Variants in ANKRD24 observed in about 807,000 individuals in gnomAD.
The protein encoded by ANKRD24 is ankyrin repeat domain 24.
Under a neutral mutation model 127.8 loss-of-function variants are expected in ANKRD24, and 109 were observed. The observed-to-expected ratio is 0.85, with a 90% CI of 0.73 to 1.00. ANKRD24 has a LOEUF of 1.00. ANKRD24 is among the 50% of genes least tolerant of loss of function. The pLI, the probability that ANKRD24 is intolerant of heterozygous loss-of-function variation, is 0.00. For synonymous variants in ANKRD24, 743 were observed against 671.1 expected (o/e 1.11, Z -1.66); for missense variants, 1,648 against 1,570.2 (o/e 1.05, Z -0.84).
intron 7 of ANKRD24, among the ~76,000 whole-genome samples, chr19:4,204,715 G>C (rs531229619): frequency 9.8e-5 from 15 of 152,320 alleles, no homozygotes; most frequent in Admixed American, 7.8e-4. Context: ...CGGAAACTCA[G>C]AATAAAATAG....
Position 4,198,415 on chromosome 19 carries a change from C to T in ANKRD24, c.37-1268C>T, listed in dbSNP as rs1968889029. 2 of 492,414 alleles carry T rather than the reference C, an allele frequency of 4.1e-6. No individual in the cohort carries two copies. The highest frequency in any genetic ancestry group is 7.2e-6 in the Non-Finnish European group (2 of 277,034). 30.5% of individuals were successfully genotyped at this position (492,414 alleles called of 1,614,324 possible). On this transcript the variant is annotated intron_variant, in intron 2 of 21. Coordinates refer to ENST00000318934, the MANE Select transcript of ANKRD24 (RefSeq NM_001393985.1). The surrounding 1 kb of genome is among the most constrained non-coding windows in gnomAD (Gnocchi z 6.1). ...CCCAGCCCCGCCCTCCGGCCGCTCC[C>T]CGCGGTCCCTCCAGACCCTCTGGCC...
rs376663974 is a variant in ANKRD24, at chr19:4,215,929, C to A, written c.1198-49C>A. 27 of 1,476,234 alleles carry A rather than the reference C, an allele frequency of 1.8e-5. No homozygotes were observed. In the South Asian group the frequency reaches 2.7e-4, roughly 15 times the overall value. The allele number at this position is 1,476,234 out of a possible 1,614,324, so 91.4% of individuals were successfully genotyped here. ...CCACTGGAGTCTTGGTGGGGACACA[C>A]GGGGGCTGAGAGCAGAACCCCGAGC... On this transcript the variant is annotated intron_variant, in intron 15 of 21. Transcript: ENST00000318934.
chr19:4,202,342 T>C (rs1451407982), intron 6 of ANKRD24, among the ~76,000 whole-genome samples: 1 of 151,920 alleles, frequency 6.6e-6, no homozygotes, highest in Non-Finnish European at 1.5e-5. Flanking sequence ...CTGAGGTCGG[T>C]GAAATCGCCT....
chr19:4,198,500 C>A lies in ANKRD24; in HGVS notation c.37-1183C>A. The A allele has an allele frequency of 1.6e-6, 1 of 622,784 alleles. No homozygotes were observed. Among genetic ancestry groups the A allele is most frequent in the South Asian group, 1.7e-5 (1 of 59,348 alleles). The allele number at this position is 622,784 out of a possible 1,614,324, so 38.6% of individuals were successfully genotyped here. ...GCCCCGCGCCCCGGACGCCATGAAG[C>A]AGCTGTGTCTGTGCGCAGCCGCCTC... On this transcript the variant is annotated intron_variant, in intron 2 of 21. Transcript: ENST00000318934. This position sits in a 1 kb window ranked among gnomAD's most constrained non-coding sequence, Gnocchi z 6.1.
In ANKRD24 at chr19:4,212,705, G is replaced by T. The variant is rs1242101532; in HGVS notation, c.1197+7G>T. 6.5e-7 allele frequency: 1 copy of T among 1,550,204 alleles called. No homozygotes were observed. On this transcript the variant is annotated splice_region_variant and intron_variant, in intron 15 of 21. Transcript: ENST00000318934. ...CCGGCTGTCCCTGCTGGAGGTAGGA[G>T]CAGTGATGAGTCAGGGCTGGGCTGG...
chr19:4,210,090 C>A lies in ANKRD24; in HGVS notation c.903C>A (p.Ala301=). Residue 301 remains alanine (A), a synonymous_variant, in exon 12 of 22, where the codon GCC becomes GCA. Transcript: ENST00000318934. The part of the protein sequence containing the change: ...NSMSSHGKQG[A]PKKRKAPPPP... ...TGTCCAGCCATGGAAAGCAGGGGGC[C>A]CCCAAGAAGCGGAAGGCGCCTCCAC... The A allele has an allele frequency of 6.2e-7, 1 of 1,612,606 alleles. No homozygotes were observed. The highest frequency in any genetic ancestry group is 8.5e-7 in the Non-Finnish European group (1 of 1,179,466).
intron 1 of ANKRD24, among the ~76,000 whole-genome samples, chr19:4,183,995 TG>T (rs1427470526): frequency 2.0e-5 from 3 of 151,906 alleles, no homozygotes; most frequent in African/African-American, 7.3e-5. Context: ...ATGTTCCTGG[TG>T]GGGGGAACAG....
chr19:4,216,368 C>T lies in ANKRD24; in HGVS notation c.1355C>T (p.Thr452Ile). ...ASLQEQVAVLTRQNQELMEKV... is the reference protein window; with the variant it reads ...ASLQEQVAVLIRQNQELMEKV... ...CTGCAGGAACAGGTGGCTGTGCTCA[C>T]CAGACAGAACCAGGAACTGATGGAG... The change falls in exon 17 of 22, where the codon ACC becomes ATC. Residue 452 changes from threonine to isoleucine, a missense_variant. Transcript: ENST00000318934. 6.4e-7 allele frequency: 1 copy of T among 1,573,036 alleles called. No individual in the cohort carries two copies. Among genetic ancestry groups the T allele is most frequent in the Non-Finnish European group, 8.6e-7 (1 of 1,159,448 alleles).
chr19:4,194,723 T>C (rs1305183599), intron 2 of ANKRD24, among the ~76,000 whole-genome samples: 1 of 152,074 alleles, frequency 6.6e-6, no homozygotes, highest in African/African-American at 2.4e-5. Flanking sequence ...GGTCAGAGGC[T>C]GAAGAAGAAA....
At chr19:4,203,261 A>C (rs187254805) in intron 7 of ANKRD24, among the ~76,000 whole-genome samples, 130 of 152,026 alleles carry the variant, frequency 8.6e-4, no homozygotes, top group Admixed American at 2.2e-3. Context: ...GGTGGCCAGG[A>C]TGGTCTCGAA....
chr19:4,186,373 ACCCTTG>A lies in ANKRD24; in HGVS notation c.-36-12_-36-7del. Reference sequence around the variant, plus strand: ...GACTGGTGTCCCTCACCTTACCCCCACCCTTGCCCTCCTCAGGTGGCCTGTGGAGAG... The same window carrying A: ...GACTGGTGTCCCTCACCTTACCCCCACCCTCCTCAGGTGGCCTGTGGAGAG... On this transcript the variant is annotated splice_polypyrimidine_tract_variant and intron_variant, in intron 1 of 21. Coordinates refer to ENST00000318934, the MANE Select transcript of ANKRD24 (RefSeq NM_001393985.1). 1 of 1,560,230 alleles carries A rather than the reference ACCCTTG, an allele frequency of 6.4e-7. No homozygotes were observed. The highest frequency in any genetic ancestry group is 1.2e-5 in the South Asian group (1 of 84,550).
intron 18 of ANKRD24, among the ~76,000 whole-genome samples, 195 bp from the exon 19 acceptor site, chr19:4,219,396 G>A (rs897975850): frequency 6.6e-6 from 1 of 152,138 alleles, no homozygotes; most frequent in Non-Finnish European, 1.5e-5. Flanking sequence ...AAGCCTGAAA[G>A]ATTGAGGCTA....
At chr19:4,212,804 G>A (rs754745747) in intron 15 of ANKRD24, 106 bp downstream of exon 15, 7 of 1,072,774 alleles carry the variant, frequency 6.5e-6, no homozygotes, top group East Asian at 2.6e-5. Flanking sequence ...CCTCACACAC[G>A]TGCAAACACA....
In ANKRD24 at chr19:4,210,282, T is replaced by C. The variant is rs1179064875; in HGVS notation, c.969T>C (p.Tyr323=). ...GGGAACAGGATGATCGAGATGCCTA[T>C]GAGGAGATCGTGAGGCTGCGGCAGG... is the stretch of plus-strand genomic sequence containing the variant. ...SIPMPDDRDA[Y]EEIVRLRQER... The change falls in exon 13 of 22, where the codon TAT becomes TAC. Residue 323 remains tyrosine (Y), a synonymous_variant. Transcript: ENST00000318934. 5 of 1,587,610 alleles carry C rather than the reference T, an allele frequency of 3.1e-6. No homozygotes were observed. Among genetic ancestry groups the C allele is most frequent in the East Asian group, 4.6e-5 (2 of 43,774 alleles).
chr19:4,203,946 G>A (rs140652387), intron 7 of ANKRD24, among the ~76,000 whole-genome samples: 5,960 of 146,396 alleles, frequency 0.041, 290 homozygotes, highest in African/African-American at 0.13. Context: ...CCACCGTGCC[G>A]GCCCTTCTCC....
rs1968953777 is a variant in ANKRD24 at position 4,199,398 on chromosome 19, G to A, written c.37-285G>A. The A allele has an allele frequency of 1.1e-5, 6 of 568,856 alleles. No homozygotes were observed. In the Admixed American group the frequency reaches 3.8e-4, roughly 36 times the overall value. The allele number at this position is 568,856 out of a possible 1,614,324, so 35.2% of individuals were successfully genotyped here. ...GCTGATGATTTTTATTTTTTGTAGA[G>A]ACGGGGTCCTACTATGGTGCCCAGG... is the stretch of plus-strand genomic sequence containing the variant. On this transcript the variant is annotated intron_variant, in intron 2 of 21. Transcript: ENST00000318934. The surrounding 1 kb of genome is among the most constrained non-coding windows in gnomAD (Gnocchi z 5.2).
rs533532540 is a variant in ANKRD24, at chr19:4,194,883, G to A, written c.37-4800G>A. 9.2e-5 allele frequency among the ~76,000 whole-genome samples: 14 copies of A among 152,284 alleles called. No homozygotes were observed. In the South Asian group the frequency reaches 1.0e-3, roughly 11 times the overall value. On this transcript the variant is annotated intron_variant, in intron 2 of 21. Transcript: ENST00000318934. ...TGGGGCAAGAGAGAGGTGTCACGGT[G>A]ATGCCAGGGCTTGGATGAAGCCTGG...
intron 2 of ANKRD24, among the ~76,000 whole-genome samples, chr19:4,197,346 G>A (rs1048344127): frequency 2.0e-5 from 3 of 149,838 alleles, no homozygotes; most frequent in Non-Finnish European, 3.0e-5. Context: ...GCGTGCCAAT[G>A]AATGAGCAAA....
In ANKRD24 at chr19:4,207,984, C is replaced by A; in HGVS notation, c.832+16C>A. 4.8e-6 allele frequency: 7 copies of A among 1,458,972 alleles called. No individual in the cohort carries two copies. Among genetic ancestry groups the A allele is most frequent in the African/African-American group, 1.4e-5 (1 of 70,346 alleles). 90.4% of individuals were successfully genotyped at this position (1,458,972 alleles called of 1,614,324 possible). A position where few individuals can be genotyped will look rare whatever the true frequency, so the allele number is the denominator to read the frequency against. On this transcript the variant is annotated intron_variant, in intron 10 of 21. Transcript: ENST00000318934. ...CCACCCAGCGGTATGCAAGCCCCACCTCCCCAATGCATTTGCTTCTTGGCA... is the reference window on the plus strand; with the variant it reads ...CCACCCAGCGGTATGCAAGCCCCACATCCCCAATGCATTTGCTTCTTGGCA...
Sources: allele counts gnomAD v4.1 joint callset (sites outside exome capture counted in the v4.1 genomes callset), GRCh38; gene constraint gnomAD v4.1.1; non-coding constraint Gnocchi (gnomAD v3.1); transcripts MANE v1.5; gene names NCBI Gene and HGNC (gene_info 2026-07-23, HGNC 2026-07-21).